CROCC2: variants seen among roughly 807,000 people sequenced by gnomAD.
The protein encoded by CROCC2 is ciliary rootlet coiled-coil, rootletin family member 2.
Under a neutral mutation model 177.6 loss-of-function variants are expected in CROCC2, and 163 were observed. The ratio of observed to expected loss-of-function variants is 0.92; its 90% confidence interval spans 0.81 to 1.05. The LOEUF (loss-of-function observed/expected upper bound fraction) is 1.05, where lower values mean the gene tolerates loss of function less well. CROCC2 is among the 50% of genes least tolerant of loss of function. CROCC2 has a pLI of 0.00. For missense variants in CROCC2, 1,929 were observed against 1,797.8 expected (o/e 1.07, Z -1.32); for synonymous variants, 904 against 787.3 (o/e 1.15, Z -2.48).
At chr2:240,944,835 C>G (rs1173862056) in intron 14 of CROCC2, among the ~76,000 whole-genome samples, 2 of 152,106 alleles carry the variant, frequency 1.3e-5, no homozygotes, top group African/African-American at 2.4e-5. Flanking sequence ...TAGGCCAGAT[C>G]TTGATTAGTC....
intron 31 of CROCC2, among the ~76,000 whole-genome samples, chr2:240,992,091 T>A (rs1332628047): frequency 6.6e-6 from 1 of 152,224 alleles, no homozygotes; most frequent in Non-Finnish European, 1.5e-5. Context: ...GGACTCCGGC[T>A]GGGTTGCTAT....
At chr2:240,926,618 G>A (rs2059396853) in intron 5 of CROCC2, among the ~76,000 whole-genome samples, 1 of 152,098 alleles carries the variant, frequency 6.6e-6, no homozygotes, top group Non-Finnish European at 1.5e-5. Flanking sequence ...GCGCCAGGTG[G>A]AGGCAGGAGC....
chr2:240,963,823 C>T (rs1401063748), intron 21 of CROCC2, 50 bp downstream of exon 21: 3 of 1,528,692 alleles, frequency 2.0e-6, no homozygotes, highest in African/African-American at 1.4e-5. Flanking sequence ...GCCTGCTGCC[C>T]ACCCAGGCCG....
intron 15 of CROCC2, 53 bp downstream of exon 15, chr2:240,946,306 G>A (rs2059524184): frequency 4.1e-6 from 6 of 1,463,950 alleles, no homozygotes; most frequent in South Asian, 1.3e-5. Context: ...TGCCCACAGA[G>A]AGTCTGCAGT....
Position 240,935,038 on chromosome 2 carries a change from T to A in CROCC2, c.1914T>A (p.Ser638Arg), listed in dbSNP as rs993613853. ...ALMEGLAQDK[S>R]ALNHLALQLE... is the part of the protein sequence containing the mutation. ...TGGAGGGGTTGGCTCAGGACAAAAGTGCCCTGAACCACCTGGCTCTCCAGG... is the reference window on the plus strand; with the variant it reads ...TGGAGGGGTTGGCTCAGGACAAAAGAGCCCTGAACCACCTGGCTCTCCAGG... Residue 638 changes from serine (S) to arginine (R), a missense_variant, in exon 13 of 32, where the codon AGT (serine) becomes AGA (arginine). By Grantham distance (110) the Ser-to-Arg change is moderately radical. Coordinates refer to ENST00000690015, the MANE Select transcript of CROCC2 (RefSeq NM_001351305.2). The A allele has an allele frequency of 2.2e-6, 3 of 1,385,160 alleles. No individual in the cohort carries two copies. Among genetic ancestry groups the A allele is most frequent in the Non-Finnish European group, 2.8e-6 (3 of 1,062,968 alleles). The allele number at this position is 1,385,160 out of a possible 1,614,324, so 85.8% of individuals were successfully genotyped here. A position where few individuals can be genotyped will look rare whatever the true frequency, so the allele number is the denominator to read the frequency against.
At chr2:240,919,890 G>GGCCC in intron 2 of CROCC2, 93 bp from the exon 3 acceptor site, 22 of 591,320 alleles carry the variant, frequency 3.7e-5, no homozygotes, top group Middle Eastern at 4.1e-4. Context: ...GAGCCTGGTG[G>GGCCC]CCAGCCCAGG....
intron 19 of CROCC2, chr2:240,957,219 C>G (rs2106474122): frequency 6.5e-6 from 1 of 152,702 alleles, no homozygotes; most frequent in African/African-American, 2.4e-5. Context: ...TAGCTGGGCC[C>G]ACACCTGCCT....
Position 240,960,375 on chromosome 2 carries a change from G to A in CROCC2, c.3087+931G>A, listed in dbSNP as rs1440694924. Among the ~76,000 whole-genome samples, 1 of 152,212 alleles carries A rather than the reference G, an allele frequency of 6.6e-6. No homozygotes were observed. The highest frequency in any genetic ancestry group is 2.4e-5 in the African/African-American group (1 of 41,466). ...CCCGAGGTTGACACGGAGGCCCCCAGGAGCCACATGATGGTGACGTGGGGT... is the reference window on the plus strand; with the variant it reads ...CCCGAGGTTGACACGGAGGCCCCCAAGAGCCACATGATGGTGACGTGGGGT... On this transcript the variant is annotated intron_variant, in intron 20 of 31. Coordinates refer to ENST00000690015, the MANE Select transcript of CROCC2 (RefSeq NM_001351305.2). The surrounding 1 kb of genome is among the most constrained non-coding windows in gnomAD (Gnocchi z 5.0).
intron 24 of CROCC2, 85 bp from the exon 25 acceptor site, chr2:240,966,140 G>A: frequency 1.6e-6 from 2 of 1,255,992 alleles, no homozygotes; most frequent in Non-Finnish European, 2.0e-6. Flanking sequence ...ACCTCCCATG[G>A]CTGGGGCAGC....
chr2:240,937,268 A>G (rs1452501279), intron 14 of CROCC2, among the ~76,000 whole-genome samples: 1 of 152,196 alleles, frequency 6.6e-6, no homozygotes, highest in Non-Finnish European at 1.5e-5. Context: ...CATTTCCCTC[A>G]TAACTGAAGA....
chr2:240,929,961 A>T (rs6756731), intron 5 of CROCC2, among the ~76,000 whole-genome samples: 58,191 of 152,088 alleles, frequency 0.38, 12,324 homozygotes, highest in East Asian at 0.49. Context: ...ACGTCCCCAG[A>T]TCATCTCCTG....
intron 1 of CROCC2, among the ~76,000 whole-genome samples, chr2:240,916,495 T>C (rs1309862977): frequency 1.9e-5 from 1 of 53,470 alleles, no homozygotes. Context: ...CCGCGCCCCC[T>C]GCGCTCCCCG....
At chr2:240,971,472 C>G (rs1246196785) in intron 27 of CROCC2, among the ~76,000 whole-genome samples, 4 of 152,212 alleles carry the variant, frequency 2.6e-5, no homozygotes, top group Non-Finnish European at 1.5e-5. Flanking sequence ...TTGTTTGCCT[C>G]TGACCTTGAG....
chr2:240,949,001 A>G lies in CROCC2; in HGVS notation c.2386A>G (p.Ser796Gly). ...DLRVERDSLE[S>G]SLLEAQQLAT... ...CAGGGTGGAGAGGGACTCCCTGGAG[A>G]GCAGCCTCCTTGAGGCCCAACAGCT... Residue 796 changes from serine (S) to glycine (G), a missense_variant, in exon 16 of 32, where the codon AGC becomes GGC. Coordinates refer to ENST00000690015, the MANE Select transcript of CROCC2 (RefSeq NM_001351305.2). This position sits in a 1 kb window ranked among gnomAD's most constrained non-coding sequence, Gnocchi z 4.5. 1.3e-6 allele frequency: 2 copies of G among 1,550,282 alleles called. No individual in the cohort carries two copies. Among genetic ancestry groups the G allele is most frequent in the Non-Finnish European group, 1.7e-6 (2 of 1,146,924 alleles).
In CROCC2 at chr2:240,982,710, A is replaced by G; in HGVS notation, c.4402-170A>G. 1 of 593,522 alleles carries G rather than the reference A, an allele frequency of 1.7e-6. No individual in the cohort carries two copies. The highest frequency in any genetic ancestry group is 2.9e-6 in the Non-Finnish European group (1 of 341,204). 36.8% of individuals were successfully genotyped at this position (593,522 alleles called of 1,614,324 possible). A position where few individuals can be genotyped will look rare whatever the true frequency, so the allele number is the denominator to read the frequency against. ...CCTTTGAGGTTACATTGCAAACACAATCACCTGATCAACGCACTTCAGGTT... is the reference window on the plus strand; with the variant it reads ...CCTTTGAGGTTACATTGCAAACACAGTCACCTGATCAACGCACTTCAGGTT... On this transcript the variant is annotated intron_variant, in intron 27 of 31. Coordinates refer to ENST00000690015, the MANE Select transcript of CROCC2 (RefSeq NM_001351305.2). This position sits in a 1 kb window ranked among gnomAD's most constrained non-coding sequence, Gnocchi z 4.7.
chr2:240,958,497 TGGCACAGG>T lies in CROCC2; in HGVS notation c.2944-799_2944-792del. ...GTGGACAGGAGGGGCTCCAGAGATCTGGCACAGGGGCAGCCATGTGGGCACCTGTGCCC... is the reference window on the plus strand; with the variant it reads ...GTGGACAGGAGGGGCTCCAGAGATCTGGCAGCCATGTGGGCACCTGTGCCC... On this transcript the variant is annotated intron_variant, in intron 19 of 31. Coordinates refer to ENST00000690015, the MANE Select transcript of CROCC2 (RefSeq NM_001351305.2). This position sits in a 1 kb window ranked among gnomAD's most constrained non-coding sequence, Gnocchi z 6.7. 1.1e-6 allele frequency: 1 copy of T among 906,906 alleles called. No homozygotes were observed. Among genetic ancestry groups the T allele is most frequent in the African/African-American group, 1.8e-5 (1 of 55,864 alleles). The allele number at this position is 906,906 out of a possible 1,614,324, so 56.2% of individuals were successfully genotyped here. A position where few individuals can be genotyped will look rare whatever the true frequency, so the allele number is the denominator to read the frequency against.
At chr2:240,959,530 GC>G in intron 20 of CROCC2, 86 bp downstream of exon 20, 1 of 1,444,486 alleles carries the variant, frequency 6.9e-7, no homozygotes, top group Non-Finnish European at 9.2e-7. Context: ...GAGTGGGGGT[GC>G]CAGGAGGAAA....
At chr2:240,946,370 T>A (rs2059524740) in intron 15 of CROCC2, 117 bp downstream of exon 15, 4 of 1,085,516 alleles carry the variant, frequency 3.7e-6, no homozygotes, top group Non-Finnish European at 5.1e-6. Flanking sequence ...AGGGAGCGTG[T>A]GCCCATGAAA....
intron 26 of CROCC2, 36 bp downstream of exon 26, chr2:240,967,501 G>T (rs1227293986): frequency 1.9e-6 from 3 of 1,546,052 alleles, no homozygotes; most frequent in Non-Finnish European, 2.6e-6. Flanking sequence ...CACCCTGGGA[G>T]TGGCTGTGAG....
Sources: allele counts gnomAD v4.1 joint callset (sites outside exome capture counted in the v4.1 genomes callset), GRCh38; gene constraint gnomAD v4.1.1; non-coding constraint Gnocchi (gnomAD v3.1); transcripts MANE v1.5; gene names NCBI Gene and HGNC (gene_info 2026-07-23, HGNC 2026-07-21).